Variants in MDM1 observed in about 807,000 individuals in gnomAD.
The protein encoded by MDM1 is stabilizer of axonemal microtubules 6, also known as Mdm1 nuclear protein.
In MDM1, 61 loss-of-function variants were observed where a neutral mutation model predicts 89.1. The observed-to-expected ratio is 0.68, with a 90% CI of 0.56 to 0.85. The LOEUF (loss-of-function observed/expected upper bound fraction) is 0.85, where lower values mean the gene tolerates loss of function less well. MDM1 is among the 40% of genes least tolerant of loss of function. The pLI is 0.00. For missense variants in MDM1, 820 were observed against 846.5 expected, an observed-to-expected ratio of 0.97 and a Z score of 0.39; for synonymous variants, 290 against 294.1, an observed-to-expected ratio of 0.99 and a Z score of 0.14.
intron 12 of MDM1, among the ~76,000 whole-genome samples, chr12:68,305,913 G>A (rs1464120712): frequency 3.2e-5 from 4 of 125,918 alleles, no homozygotes; most frequent in African/African-American, 1.2e-4. Flanking sequence ...AAATTCATAA[G>A]GAAGCAAAAA....
intron 12 of MDM1, among the ~76,000 whole-genome samples, chr12:68,313,065 C>T (rs1262825211): frequency 6.6e-6 from 1 of 152,094 alleles, no homozygotes; most frequent in East Asian, 1.9e-4. Context: ...TTATTGTCTC[C>T]CTCCTCCACT....
Position 68,325,500 on chromosome 12 carries a change from G to C in MDM1, c.574C>G (p.Gln192Glu). ...GAAGTCTTCCAAACAAACTGCCTTT[G>C]ATATTCAGAATTTCTCAAGGCATTA... is the stretch of plus-strand genomic sequence containing the variant. ...SYNALRNSEY[Q>E]RQFVWKTSKE... The change falls in exon 4 of 15, where the codon CAA (glutamine) becomes GAA (glutamate). Residue 192 changes from glutamine (Q) to glutamate (E), a missense_variant. Transcript: ENST00000682720. The C allele has an allele frequency of 6.3e-7, 1 of 1,599,476 alleles. No individual in the cohort carries two copies. Among genetic ancestry groups the C allele is most frequent in the Non-Finnish European group, 8.5e-7 (1 of 1,173,736 alleles).
chr12:68,301,464 G>A (rs1004725942), intron 13 of MDM1, among the ~76,000 whole-genome samples: 2 of 152,102 alleles, frequency 1.3e-5, no homozygotes, highest in Non-Finnish European at 2.9e-5. Context: ...TTGGGGTGGG[G>A]GAAGGGATAA....
chr12:68,305,576 C>T (rs1439451553), intron 12 of MDM1, among the ~76,000 whole-genome samples: 1 of 152,044 alleles, frequency 6.6e-6, no homozygotes, highest in African/African-American at 2.4e-5. Flanking sequence ...CAAAAATTAA[C>T]GTACAAAAAT....
chr12:68,319,812 T>C (rs1287681648), intron 7 of MDM1, among the ~76,000 whole-genome samples: 3 of 152,232 alleles, frequency 2.0e-5, no homozygotes, highest in Non-Finnish European at 4.4e-5. Flanking sequence ...GATATCATAA[T>C]AGGAAACCTT....
intron 7 of MDM1, among the ~76,000 whole-genome samples, chr12:68,318,384 C>T (rs1035022017): frequency 1.3e-5 from 2 of 151,958 alleles, no homozygotes; most frequent in South Asian, 2.1e-4. Flanking sequence ...TTTTATTTGA[C>T]GTCAATTTTA....
chr12:68,317,764 T>C (rs1044487191), intron 7 of MDM1, among the ~76,000 whole-genome samples: 7 of 152,222 alleles, frequency 4.6e-5, no homozygotes, highest in African/African-American at 1.7e-4. Flanking sequence ...TTAACTCTAC[T>C]GAACTTCTAA....
At position 68,294,656 on chromosome 12, in the gene MDM1, T is replaced by C. The variant is rs1159708039; in HGVS notation, c.*598A>G. The C allele has an allele frequency of 1.3e-5, 2 of 152,228 alleles. No individual in the cohort carries two copies. Among genetic ancestry groups the C allele is most frequent in the African/African-American group, 4.8e-5 (2 of 41,462 alleles). 9.4% of individuals were successfully genotyped at this position (152,228 alleles called of 1,614,324 possible). On this transcript the variant is annotated 3_prime_UTR_variant, in exon 15 of 15. Transcript: ENST00000682720. ...TTTCAAAATCTAGACATTATTCAAA[T>C]GTAAGCCAAAGTCCTTACACAAATA...
At position 68,322,416 on chromosome 12, in the gene MDM1, T is replaced by C. The variant is rs541782859; in HGVS notation, c.801+657A>G. ...AGGAGGCCAAGGTAGGCGGATCACCTGAGGCTAGTAGTTCGAGACCAGCCT... is the reference window on the plus strand; with the variant it reads ...AGGAGGCCAAGGTAGGCGGATCACCCGAGGCTAGTAGTTCGAGACCAGCCT... On this transcript the variant is annotated intron_variant, in intron 5 of 14. Coordinates refer to ENST00000682720, the MANE Select transcript of MDM1 (RefSeq NM_001354969.2). Among the ~76,000 whole-genome samples the C allele has an allele frequency of 5.3e-5, 8 of 152,316 alleles. No individual in the cohort carries two copies. In the East Asian group the frequency reaches 1.5e-3, roughly 29 times the overall value.
chr12:68,319,538 C>A (rs1018796987), intron 7 of MDM1, among the ~76,000 whole-genome samples: 1 of 152,078 alleles, frequency 6.6e-6, no homozygotes, highest in Non-Finnish European at 1.5e-5. Context: ...TATTTAGGAA[C>A]CTCATAATCA....
rs552720610 is a variant in MDM1, at chr12:68,312,947, C to T, written c.1749+496G>A. Reference sequence around the variant, plus strand: ...TCAGATCCTGCTTAAATGCCACTCTCGCACCGAGGACTTCCCTGGCCACTT... The same window carrying T: ...TCAGATCCTGCTTAAATGCCACTCTTGCACCGAGGACTTCCCTGGCCACTT... On this transcript the variant is annotated intron_variant, in intron 12 of 14. Coordinates refer to ENST00000682720, the MANE Select transcript of MDM1 (RefSeq NM_001354969.2). 9.2e-5 allele frequency among the ~76,000 whole-genome samples: 14 copies of T among 152,290 alleles called. 1 individual carries two copies. In the South Asian group the frequency reaches 1.9e-3, roughly 20 times the overall value.
chr12:68,316,670 T>C (rs1874548163), intron 7 of MDM1, 60 bp from the exon 8 acceptor site: 1 of 1,239,270 alleles, frequency 8.1e-7, no homozygotes. Context: ...TGAATATTAA[T>C]GGGAATCAAT....
intron 14 of MDM1, among the ~76,000 whole-genome samples, chr12:68,296,450 A>C (rs569252398): frequency 3.3e-5 from 5 of 152,368 alleles, no homozygotes; most frequent in Admixed American, 1.3e-4. Context: ...GTGAGCCGAG[A>C]TCATGCCACT....
intron 2 of MDM1, chr12:68,330,810 C>CT (rs1371996240): frequency 6.5e-6 from 2 of 309,302 alleles, no homozygotes; most frequent in African/African-American, 2.2e-5. Flanking sequence ...AGGGCACTGG[C>CT]TTTTTTTAGC....
In MDM1 at chr12:68,313,770, T is replaced by C. The variant is rs879403856; in HGVS notation, c.1530-17A>G. On this transcript the variant is annotated splice_polypyrimidine_tract_variant and intron_variant, in intron 10 of 14. Transcript: ENST00000682720. ...GAATCTGACCTATAAATTGAAACAATCTATGAATCTATACAGCATTTCCTC... is the reference window on the plus strand; with the variant it reads ...GAATCTGACCTATAAATTGAAACAACCTATGAATCTATACAGCATTTCCTC... 6.5e-7 allele frequency: 1 copy of C among 1,528,578 alleles called. No individual in the cohort carries two copies. Among genetic ancestry groups the C allele is most frequent in the Non-Finnish European group, 9.1e-7 (1 of 1,103,294 alleles). 94.7% of individuals were successfully genotyped at this position (1,528,578 alleles called of 1,614,324 possible).
intron 13 of MDM1, among the ~76,000 whole-genome samples, chr12:68,299,640 A>G (rs1203485468): frequency 1.3e-5 from 2 of 152,174 alleles, no homozygotes; most frequent in Non-Finnish European, 2.9e-5. Context: ...AAAATAAAGA[A>G]AAAAGAATCA....
chr12:68,321,584 T>C lies in MDM1; in HGVS notation c.846A>G (p.Glu282=). The change falls in exon 6 of 15, where the codon GAA becomes GAG. Residue 282 remains glutamate, a synonymous_variant. Coordinates refer to ENST00000682720, the MANE Select transcript of MDM1 (RefSeq NM_001354969.2). ...DDRLKLEAEM[E]LKDLHQPKRK... ...TTTTAGGCTGGTGTAAGTCTTTTAA[T>C]TCCATCTCTGCTTCCAATTTTAAAC... The C allele has an allele frequency of 6.2e-7, 1 of 1,613,016 alleles. No homozygotes were observed. Among genetic ancestry groups the C allele is most frequent in the Non-Finnish European group, 8.5e-7 (1 of 1,179,742 alleles).
At chr12:68,314,152 A>AAAAT (rs1874131585) in intron 10 of MDM1, among the ~76,000 whole-genome samples, 1 of 151,886 alleles carries the variant, frequency 6.6e-6, no homozygotes, top group Admixed American at 6.6e-5. Flanking sequence ...AAAAAAAAAA[A>AAAAT]AACTTGTAAG....
intron 13 of MDM1, among the ~76,000 whole-genome samples, chr12:68,297,664 A>G (rs1416032022): frequency 6.6e-6 from 1 of 152,204 alleles, no homozygotes; most frequent in Non-Finnish European, 1.5e-5. Context: ...CCAAAGAGGC[A>G]TGGAAGTTTC....
Sources: allele counts gnomAD v4.1 joint callset (sites outside exome capture counted in the v4.1 genomes callset), GRCh38; gene constraint gnomAD v4.1.1; transcripts MANE v1.5; gene names NCBI Gene and HGNC (gene_info 2026-07-23, HGNC 2026-07-21).